Variants in RTTN observed in about 807,000 individuals in gnomAD.
The protein encoded by RTTN is rotatin.
Under a neutral mutation model 269.2 loss-of-function variants are expected in RTTN, and 182 were observed. The observed-to-expected ratio is 0.68, with a 90% CI of 0.60 to 0.76. The LOEUF (loss-of-function observed/expected upper bound fraction) is 0.76, where lower values mean the gene tolerates loss of function less well. Among genes scored for constraint, RTTN ranks in the 30% least tolerant of loss-of-function variants. RTTN has a pLI of 0.00. For missense variants in RTTN, 2,545 were observed against 2,608.6 expected (o/e 0.98, Z 0.53); for synonymous variants, 1,006 against 963.5 (o/e 1.04, Z -0.82).
chr18:70,072,830 G>C (rs2058331409), intron 34 of RTTN, among the ~76,000 whole-genome samples: 1 of 152,012 alleles, frequency 6.6e-6, no homozygotes, highest in African/African-American at 2.4e-5. Flanking sequence ...TCATATTACT[G>C]CTCTTGTTGA....
chr18:70,077,149 A>G (rs1355293796), intron 32 of RTTN, among the ~76,000 whole-genome samples: 1 of 151,970 alleles, frequency 6.6e-6, no homozygotes, highest in African/African-American at 2.4e-5. Context: ...GTGATTAATC[A>G]AAGTTGTACA....
chr18:70,109,483 G>T lies in RTTN; in HGVS notation c.3903+15C>A. 6.3e-7 allele frequency: 1 copy of T among 1,598,910 alleles called. No homozygotes were observed. The highest frequency in any genetic ancestry group is 8.6e-7 in the Non-Finnish European group (1 of 1,166,184). On this transcript the variant is annotated intron_variant, in intron 28 of 48. Transcript: ENST00000640769. ...AACTAATAGTAAATAACTACCATAT[G>T]CTATTTTTACTTACCTCAAGGAGAC...
At chr18:70,076,780 T>C (rs767699616) in intron 32 of RTTN, among the ~76,000 whole-genome samples, 2 of 151,862 alleles carry the variant, frequency 1.3e-5, no homozygotes, top group African/African-American at 2.4e-5. Context: ...TCAGGTAAAA[T>C]AGAGAGTAAT....
intron 10 of RTTN, among the ~76,000 whole-genome samples, chr18:70,180,591 G>GAAAA (rs34828958): frequency 2.1e-5 from 2 of 95,072 alleles, no homozygotes; most frequent in Admixed American, 9.8e-5. Context: ...CTGGGGAAGA[G>GAAAA]AAAAAAAAAA....
At chr18:70,133,946 A>G (rs2060058868) in intron 23 of RTTN, among the ~76,000 whole-genome samples, 1 of 152,156 alleles carries the variant, frequency 6.6e-6, no homozygotes, top group African/African-American at 2.4e-5. Flanking sequence ...GCATTCTGAA[A>G]AAATATACAC....
chr18:70,093,245 CCTTTTA>C (rs765511177), intron 28 of RTTN, among the ~76,000 whole-genome samples: 2 of 101,028 alleles, frequency 2.0e-5, no homozygotes, highest in Admixed American at 1.3e-4. Flanking sequence ...CAATATTTTT[CCTTTTA>C]AAGTCTGTAA....
intron 47 of RTTN, chr18:70,005,501 T>C (rs941580697): frequency 5.6e-5 from 21 of 376,190 alleles, no homozygotes; most frequent in Non-Finnish European, 8.9e-5. Flanking sequence ...TCCCATTTTC[T>C]TTCTTCCCTT....
intron 40 of RTTN, among the ~76,000 whole-genome samples, chr18:70,045,873 A>T (rs1188137009): frequency 1.3e-5 from 2 of 152,252 alleles, no homozygotes; most frequent in Non-Finnish European, 2.9e-5. Context: ...TAGAGAAATA[A>T]AGAGGAAAAT....
At chr18:70,068,860 C>T (rs933142988) in intron 34 of RTTN, among the ~76,000 whole-genome samples, 2 of 151,994 alleles carry the variant, frequency 1.3e-5, no homozygotes, top group African/African-American at 2.4e-5. Flanking sequence ...CTCGGTAAGA[C>T]AAAAAAATCT....
chr18:70,102,934 CGCCCCGTCTGGG>C (rs2059209977), intron 28 of RTTN, among the ~76,000 whole-genome samples: 1 of 149,504 alleles, frequency 6.7e-6, no homozygotes, highest in African/African-American at 2.5e-5. Flanking sequence ...TCTGCCCGGG[CGCCCCGTCTGGG>C]AAGTGAGGAG....
At position 70,075,348 on chromosome 18, in the gene RTTN, T is replaced by G. The variant is rs368489465; in HGVS notation, c.4564+4A>C. 20 of 1,548,118 alleles carry G rather than the reference T, an allele frequency of 1.3e-5. No individual in the cohort carries two copies. The African/African-American group carries it at 2.7e-4, about 21-fold the overall frequency. On this transcript the variant is annotated splice_donor_region_variant and intron_variant, in intron 33 of 48. Transcript: ENST00000640769. ...AAATAAAAATACAAAGATATCGTAC[T>G]TACCATTTAAATCATTGCTTTCTGA...
chr18:70,205,355 G>A, intron 1 of RTTN, 40 bp from the exon 2 acceptor site: 1 of 1,606,600 alleles, frequency 6.2e-7, no homozygotes, highest in Non-Finnish European at 8.5e-7. Flanking sequence ...TTTCCCGACT[G>A]CAAAGAGACT....
chr18:70,021,294 A>G (rs2056697692), intron 44 of RTTN: 1 of 152,744 alleles, frequency 6.5e-6, no homozygotes, highest in Admixed American at 6.5e-5. Context: ...GTTCAAGGTC[A>G]TACAGCTTAG....
intron 17 of RTTN, among the ~76,000 whole-genome samples, 178 bp downstream of exon 17, chr18:70,148,723 T>C (rs2060460021): frequency 6.6e-6 from 1 of 152,200 alleles, no homozygotes; most frequent in Non-Finnish European, 1.5e-5. Flanking sequence ...GGATGAAACG[T>C]CAGCAAGTAC....
intron 2 of RTTN, among the ~76,000 whole-genome samples, chr18:70,204,644 GA>G (rs1189545705): frequency 8.5e-5 from 13 of 152,134 alleles, no homozygotes; most frequent in East Asian, 1.9e-4. Context: ...ATTTAGTTTT[GA>G]AAGGTTAAAC....
chr18:70,111,431 G>A (rs991242946), intron 27 of RTTN, among the ~76,000 whole-genome samples: 4 of 152,110 alleles, frequency 2.6e-5, no homozygotes, highest in African/African-American at 4.8e-5. Flanking sequence ...GTCGAGAGTG[G>A]ACCTCTAGCA....
chr18:70,088,147 C>A lies in RTTN; in HGVS notation c.4144G>T (p.Val1382Leu). Residue 1382 changes from valine to leucine, a missense_variant and splice_region_variant, in exon 31 of 49, where the codon GTG becomes TTG. Physicochemically the swap from Val to Leu is conservative, Grantham distance 32 (BLOSUM62 1). Transcript: ENST00000640769. ...IPLWVDRDPE[V>L]RFTSLGLGSA... ...CCTAATCCCAGTGAAGTGAATCTCA[C>A]CTGTTCAAATTAAAGAGAAAGTTGT... 6.2e-7 allele frequency: 1 copy of A among 1,602,156 alleles called. No individual in the cohort carries two copies. The highest frequency in any genetic ancestry group is 8.5e-7 in the Non-Finnish European group (1 of 1,175,328).
intron 14 of RTTN, among the ~76,000 whole-genome samples, chr18:70,163,069 TAAAAAAA>T (rs10559303): frequency 1.9e-4 from 11 of 56,970 alleles, no homozygotes; most frequent in East Asian, 6.5e-4. Flanking sequence ...TTACTATTAT[TAAAAAAA>T]AAAAAAAAAA....
intron 28 of RTTN, among the ~76,000 whole-genome samples, chr18:70,108,074 C>T (rs570735603): frequency 2.0e-5 from 3 of 152,212 alleles, no homozygotes; most frequent in African/African-American, 7.2e-5. Flanking sequence ...ATCAGGAGTT[C>T]GACACCAGCC....
Sources: allele counts gnomAD v4.1 joint callset (sites outside exome capture counted in the v4.1 genomes callset), GRCh38; gene constraint gnomAD v4.1.1; transcripts MANE v1.5; gene names NCBI Gene and HGNC (gene_info 2026-07-23, HGNC 2026-07-21).